The following SFMBT1 variants were observed in gnomAD, a reference collection of about 807,000 sequenced individuals.
SFMBT1 encodes the protein Scm like with four mbt domains 1.
In SFMBT1, 32 loss-of-function variants were observed where a neutral mutation model predicts 108.7. That is an observed-to-expected ratio of 0.29 (90% CI 0.22 to 0.40). SFMBT1 has a LOEUF of 0.40. Among genes scored for constraint, SFMBT1 ranks in the 10% least tolerant of loss-of-function variants. The pLI is 1.00. For missense variants in SFMBT1, 816 were observed against 1,059.6 expected (o/e 0.77, Z 3.19); for synonymous variants, 348 against 369.5 (o/e 0.94, Z 0.67).
intron 1 of SFMBT1, among the ~76,000 whole-genome samples, chr3:53,035,477 T>C (rs960446938): frequency 1.3e-5 from 2 of 152,224 alleles, no homozygotes; most frequent in African/African-American, 2.4e-5. Context: ...TTTAGTTTTA[T>C]GGGTTGAATA....
chr3:52,972,659 G>C (rs576292702), intron 1 of SFMBT1, among the ~76,000 whole-genome samples: 1 of 151,640 alleles, frequency 6.6e-6, no homozygotes, highest in African/African-American at 2.4e-5. Flanking sequence ...TGTAATCCCA[G>C]CACTTTGAGA....
At chr3:52,907,447 A>G in intron 18 of SFMBT1, 108 bp downstream of exon 18, 2 of 1,517,406 alleles carry the variant, frequency 1.3e-6, no homozygotes, top group Non-Finnish European at 1.8e-6. Context: ...ACCATCTTCT[A>G]TTGGCCAGAG....
chr3:53,014,537 C>G (rs540345318), intron 1 of SFMBT1, among the ~76,000 whole-genome samples: 1 of 152,044 alleles, frequency 6.6e-6, no homozygotes, highest in East Asian at 1.9e-4. Flanking sequence ...CTAGAACCAC[C>G]ACCCAATGAA....
intron 1 of SFMBT1, among the ~76,000 whole-genome samples, chr3:52,988,374 A>G (rs1020040015): frequency 2.0e-5 from 3 of 152,118 alleles, no homozygotes; most frequent in Non-Finnish European, 4.4e-5. Context: ...ATAGGCTACC[A>G]CCCCTCAAAA....
intron 16 of SFMBT1, among the ~76,000 whole-genome samples, chr3:52,912,238 T>C (rs960067097): frequency 6.6e-6 from 1 of 151,974 alleles, no homozygotes; most frequent in Non-Finnish European, 1.5e-5. Context: ...TACAATGTAG[T>C]GGCACGATCT....
intron 3 of SFMBT1, among the ~76,000 whole-genome samples, chr3:52,947,994 C>T (rs1190613325): frequency 2.0e-5 from 3 of 152,198 alleles, no homozygotes; most frequent in Non-Finnish European, 2.9e-5. Context: ...CTCGGCCTCC[C>T]GAAGTGCTGG....
At chr3:53,003,121 C>CAAAAAAAA (rs397894876) in intron 1 of SFMBT1, among the ~76,000 whole-genome samples, 3 of 62,002 alleles carry the variant, frequency 4.8e-5, no homozygotes, top group African/African-American at 6.4e-5. Context: ...GACTCCATCA[C>CAAAAAAAA]AAAAAAAAAA....
At chr3:52,970,757 T>C (rs984691256) in intron 1 of SFMBT1, among the ~76,000 whole-genome samples, 1 of 152,188 alleles carries the variant, frequency 6.6e-6, no homozygotes, top group Non-Finnish European at 1.5e-5. Context: ...ACTTTAATCA[T>C]GAAGAAAAAG....
At chr3:53,001,793 G>T (rs143996981) in intron 1 of SFMBT1, among the ~76,000 whole-genome samples, 1 of 148,488 alleles carries the variant, frequency 6.7e-6, no homozygotes, top group African/African-American at 2.4e-5. Flanking sequence ...AGGCATGGTG[G>T]CTCATGACTG....
chr3:52,905,218 T>G lies in SFMBT1; in HGVS notation c.2519A>C (p.Asp840Ala). The G allele has an allele frequency of 6.2e-7, 1 of 1,614,076 alleles. No homozygotes were observed. The highest frequency in any genetic ancestry group is 8.5e-7 in the Non-Finnish European group (1 of 1,179,972). The change falls in exon 21 of 21, where the codon GAC (aspartate) becomes GCC (alanine). Residue 840 changes from aspartate (D) to alanine (A), a missense_variant. Transcript: ENST00000394752. ...LTLPTVQECMDLKLGPAIKLC... is the reference protein window; with the variant it reads ...LTLPTVQECMALKLGPAIKLC... ...TTTGATGGCAGGGCCCAATTTTAAGTCCATGCATTCTTGAACAGTGGGAAG... is the reference window on the plus strand; with the variant it reads ...TTTGATGGCAGGGCCCAATTTTAAGGCCATGCATTCTTGAACAGTGGGAAG...
At chr3:52,975,327 C>T (rs756590907) in intron 1 of SFMBT1, among the ~76,000 whole-genome samples, 30 of 152,136 alleles carry the variant, frequency 2.0e-4, no homozygotes, top group Non-Finnish European at 2.6e-4. Flanking sequence ...CCCAATAGGG[C>T]ATTTTTTTTC....
At chr3:52,990,844 T>C (rs1705096830) in intron 1 of SFMBT1, among the ~76,000 whole-genome samples, 1 of 152,200 alleles carries the variant, frequency 6.6e-6, no homozygotes, top group Non-Finnish European at 1.5e-5. Context: ...ATTACTACTA[T>C]GGGGTGATGT....
At position 52,913,627 on chromosome 3, in the gene SFMBT1, G is replaced by T; in HGVS notation, c.1481-10C>A. On this transcript the variant is annotated splice_polypyrimidine_tract_variant and intron_variant, in intron 14 of 20. Transcript: ENST00000394752. ...TTTCCATTAATCATAACTGGGAAAT[G>T]AAGAAAAACAAATATTCAAAACAGT... is the stretch of plus-strand genomic sequence containing the variant. 1 of 1,611,882 alleles carries T rather than the reference G, an allele frequency of 6.2e-7. No homozygotes were observed. The highest frequency in any genetic ancestry group is 8.5e-7 in the Non-Finnish European group (1 of 1,179,292).
At chr3:53,025,828 T>C (rs1699470043) in intron 1 of SFMBT1, among the ~76,000 whole-genome samples, 1 of 152,096 alleles carries the variant, frequency 6.6e-6, no homozygotes, top group South Asian at 2.1e-4. Context: ...CAATCTCTAC[T>C]CATCTTGCTC....
At chr3:52,906,868 T>C (rs992999928) in intron 19 of SFMBT1, among the ~76,000 whole-genome samples, 3 of 152,140 alleles carry the variant, frequency 2.0e-5, no homozygotes, top group African/African-American at 7.2e-5. Context: ...AGAGAGACTT[T>C]CCCCCTATAA....
intron 1 of SFMBT1, among the ~76,000 whole-genome samples, chr3:53,025,236 A>G (rs1380708764): frequency 6.6e-6 from 1 of 152,228 alleles, no homozygotes; most frequent in Non-Finnish European, 1.5e-5. Context: ...AAAATCTGGG[A>G]GTCCCATTCC....
chr3:52,969,333 G>A (rs779617014), intron 1 of SFMBT1, 75 bp from the exon 2 acceptor site: 12 of 1,372,286 alleles, frequency 8.7e-6, no homozygotes, highest in South Asian at 4.7e-5. Context: ...CAGGGCACTC[G>A]ACTGGTTGAG....
chr3:52,972,947 G>T (rs978692646), intron 1 of SFMBT1, among the ~76,000 whole-genome samples: 2 of 152,114 alleles, frequency 1.3e-5, no homozygotes, highest in Non-Finnish European at 2.9e-5. Flanking sequence ...GCTTGAGCCT[G>T]GGAGGCTGAG....
intron 4 of SFMBT1, 61 bp from the exon 5 acceptor site, chr3:52,934,962 G>A (rs1260997207): frequency 3.0e-5 from 39 of 1,305,660 alleles, no homozygotes; most frequent in Non-Finnish European, 3.7e-5. Context: ...CAGAGAAACC[G>A]AAATCAGTGG....
Sources: allele counts gnomAD v4.1 joint callset (sites outside exome capture counted in the v4.1 genomes callset), GRCh38; gene constraint gnomAD v4.1.1; transcripts MANE v1.5; gene names NCBI Gene and HGNC (gene_info 2026-07-23, HGNC 2026-07-21).